ALPK1: variants seen among roughly 807,000 people sequenced by gnomAD.
ALPK1 encodes the protein alpha kinase 1.
Under a neutral mutation model 120.6 loss-of-function variants are expected in ALPK1, and 110 were observed. The ratio of observed to expected loss-of-function variants is 0.91; its 90% CI spans 0.78 to 1.07. ALPK1 has a LOEUF of 1.07. ALPK1 is among the 50% of genes least tolerant of loss of function. The pLI, the probability that ALPK1 is intolerant of heterozygous loss-of-function variation, is 0.00. For missense variants in ALPK1, 1,498 were observed against 1,483.9 expected (o/e 1.01, Z -0.16); for synonymous variants, 582 against 560.3 (o/e 1.04, Z -0.55).
intron 2 of ALPK1, among the ~76,000 whole-genome samples, chr4:112,367,771 T>C (rs79775465): frequency 6.6e-6 from 1 of 152,254 alleles, no homozygotes; most frequent in Non-Finnish European, 1.5e-5. Flanking sequence ...TTAGACCTTT[T>C]CTACAAATTA....
Position 112,431,837 on chromosome 4 carries a change from G to C in ALPK1, c.2290G>C (p.Glu764Gln), listed in dbSNP as rs1475673405. 4 of 1,614,036 alleles carry C rather than the reference G, an allele frequency of 2.5e-6. No homozygotes were observed. The African/African-American group carries it at 5.3e-5, about 22-fold the overall frequency. ...NCDVKDRQGK[E>Q]QGEEISERGA... The stretch of plus-strand genomic sequence containing the variant: ...CGATGTCAAAGACAGGCAGGGGAAA[G>C]AGCAGGGAGAAGAAATTAGTGAAAG... Residue 764 changes from glutamate to glutamine, a missense_variant, in exon 11 of 16, where the codon GAG becomes CAG. Physicochemically the swap from Glu to Gln is conservative, Grantham distance 29. Transcript: ENST00000650871.
At chr4:112,408,731 C>T (rs1362644296) in intron 4 of ALPK1, among the ~76,000 whole-genome samples, 2 of 152,180 alleles carry the variant, frequency 1.3e-5, no homozygotes, top group Non-Finnish European at 2.9e-5. Flanking sequence ...ACCTCAGCCT[C>T]CCAAAGTGCT....
chr4:112,300,701 TA>T (rs778101874), intron 1 of ALPK1, among the ~76,000 whole-genome samples: 210 of 133,698 alleles, frequency 1.6e-3, no homozygotes, highest in Admixed American at 1.8e-3. Context: ...GGCTTAAAGA[TA>T]AAAAAAAAAA....
intron 2 of ALPK1, among the ~76,000 whole-genome samples, chr4:112,368,855 G>C (rs1731268944): frequency 6.6e-6 from 1 of 152,112 alleles, no homozygotes; most frequent in Admixed American, 6.5e-5. Context: ...TTTTATGCAT[G>C]GGGTGTGCAG....
Position 112,435,186 on chromosome 4 carries a change from T to C in ALPK1, c.3073T>C (p.Trp1025Arg). ...LLKYSKKSEL[W>R]TAQETIVYLG... ...AAAATATTCAAAAAAATCTGAACTG[T>C]GGACGGCCCAGGAAACTATTGTCTA... Residue 1025 changes from tryptophan (W) to arginine (R), a missense_variant, in exon 12 of 16, where the codon TGG becomes CGG. Transcript: ENST00000650871. 1 of 1,610,794 alleles carries C rather than the reference T, an allele frequency of 6.2e-7. No individual in the cohort carries two copies. The highest frequency in any genetic ancestry group is 8.5e-7 in the Non-Finnish European group (1 of 1,179,216).
intron 2 of ALPK1, among the ~76,000 whole-genome samples, chr4:112,351,229 G>A (rs1397979536): frequency 6.6e-6 from 1 of 152,002 alleles, no homozygotes; most frequent in East Asian, 1.9e-4. Context: ...CACTCTCATT[G>A]CACTTCCTTG....
chr4:112,358,069 C>G (rs1048648416), intron 2 of ALPK1: 2 of 581,958 alleles, frequency 3.4e-6, no homozygotes, highest in Non-Finnish European at 6.5e-6. Context: ...ATAGCCCCCA[C>G]GCATGGACCC....
intron 2 of ALPK1, among the ~76,000 whole-genome samples, chr4:112,345,525 T>C (rs1730063801): frequency 6.6e-6 from 1 of 152,180 alleles, no homozygotes; most frequent in South Asian, 2.1e-4. Flanking sequence ...CGAAGCCCAA[T>C]TTTGTTGGTT....
At position 112,361,613 on chromosome 4, in the gene ALPK1, C is replaced by G. The variant is rs986633969; in HGVS notation, c.-100-16065C>G. 2.0e-5 allele frequency among the ~76,000 whole-genome samples: 3 copies of G among 152,352 alleles called. No individual in the cohort carries two copies. The South Asian group carries it at 6.2e-4, about 32-fold the overall frequency. On this transcript the variant is annotated intron_variant, in intron 2 of 15. Transcript: ENST00000650871. ...TAGACACGCCTAACCCTGCCCCCATCTGATGACCTTTCACTACCTTCCCTG... is the reference window on the plus strand; with the variant it reads ...TAGACACGCCTAACCCTGCCCCCATGTGATGACCTTTCACTACCTTCCCTG...
At position 112,431,140 on chromosome 4, in the gene ALPK1, C is replaced by G; in HGVS notation, c.1593C>G (p.Leu531=). ...SLMGKNVQRE[L]RRGGRRNWTH... ...TGGGTAAGAATGTTCAGAGGGAACTCAGAAGGGGAGGAAGGAGAAACTGGA... is the reference window on the plus strand; with the variant it reads ...TGGGTAAGAATGTTCAGAGGGAACTGAGAAGGGGAGGAAGGAGAAACTGGA... Residue 531 remains leucine (L), a synonymous_variant, in exon 11 of 16, where the codon CTC becomes CTG. Transcript: ENST00000650871. 1 of 1,614,146 alleles carries G rather than the reference C, an allele frequency of 6.2e-7. No individual in the cohort carries two copies. Among genetic ancestry groups the G allele is most frequent in the Non-Finnish European group, 8.5e-7 (1 of 1,180,048 alleles).
rs771688686 is a variant in ALPK1, at chr4:112,411,529, T to A, written c.277-298T>A. Among the ~76,000 whole-genome samples, 21 of 152,294 alleles carry A rather than the reference T, an allele frequency of 1.4e-4. No individual in the cohort carries two copies. In the South Asian group the frequency reaches 3.1e-3, roughly 23 times the overall value. On this transcript the variant is annotated intron_variant, in intron 4 of 15. Coordinates refer to ENST00000650871, the MANE Select transcript of ALPK1 (RefSeq NM_025144.4). ...CGTGAGCCACCATGCCCGGCCCTACTTTTTACCCTATGCGCTTTAGTATTG... is the reference window on the plus strand; with the variant it reads ...CGTGAGCCACCATGCCCGGCCCTACATTTTACCCTATGCGCTTTAGTATTG...
chr4:112,359,269 G>A lies in ALPK1; in HGVS notation c.-100-18409G>A, dbSNP rs539412830. The A allele has an allele frequency of 4.0e-4, 203 of 511,496 alleles. 1 individual carries two copies. Among genetic ancestry groups the A allele is most frequent in the African/African-American group, 3.7e-3 (188 of 51,356 alleles). 31.7% of individuals were successfully genotyped at this position (511,496 alleles called of 1,614,324 possible). On this transcript the variant is annotated intron_variant, in intron 2 of 15. Transcript: ENST00000650871. The stretch of plus-strand genomic sequence containing the variant: ...GGGAAGCAGGGCCAGCATGCCATGA[G>A]CGCCTACCTGGAAGATGCCTGCAGG...
chr4:112,429,069 G>T, intron 9 of ALPK1, 80 bp from the exon 10 acceptor site: 1 of 1,310,414 alleles, frequency 7.6e-7, no homozygotes. Flanking sequence ...TGAAAGAAAA[G>T]CAAAACCATT....
At position 112,412,012 on chromosome 4, in the gene ALPK1, C is replaced by A. The variant is rs1344102033; in HGVS notation, c.462C>A (p.Ile154=). ...AGGTGGTTATTCGCCAAGCCCGAAT[C>A]TCCGTGAACTCAGGTATGCTCCCTC... ...APQVVIRQAR[I]SVNSGKLLKA... The change falls in exon 5 of 16, where the codon ATC becomes ATA. Residue 154 remains isoleucine (I), a synonymous_variant. Coordinates refer to ENST00000650871, the MANE Select transcript of ALPK1 (RefSeq NM_025144.4). 1.2e-6 allele frequency: 2 copies of A among 1,614,068 alleles called. No homozygotes were observed. The highest frequency in any genetic ancestry group is 1.1e-5 in the South Asian group (1 of 91,084).
chr4:112,367,400 C>T (rs1731207318), intron 2 of ALPK1, among the ~76,000 whole-genome samples: 2 of 151,912 alleles, frequency 1.3e-5, no homozygotes, highest in Non-Finnish European at 2.9e-5. Flanking sequence ...TAGTTTCTGT[C>T]TTACGCTTAA....
intron 2 of ALPK1, among the ~76,000 whole-genome samples, chr4:112,339,884 G>C (rs1310458758): frequency 1.3e-5 from 2 of 152,216 alleles, no homozygotes; most frequent in Non-Finnish European, 2.9e-5. Context: ...CTAATCAAAG[G>C]ACCAAAAATA....
intron 2 of ALPK1, chr4:112,358,627 G>A (rs1730760810): frequency 2.8e-6 from 2 of 721,750 alleles, no homozygotes; most frequent in Non-Finnish European, 4.9e-6. Flanking sequence ...AGTGGGCTGG[G>A]GGGCCCTGGC....
intron 1 of ALPK1, among the ~76,000 whole-genome samples, chr4:112,300,458 A>G (rs11098149): frequency 0.56 from 85,454 of 151,552 alleles, 25,178 homozygotes; most frequent in African/African-American, 0.7. Flanking sequence ...ATAGTAAATA[A>G]AACTATGCAG....
chr4:112,426,283 A>G, intron 7 of ALPK1, 184 bp from the exon 8 acceptor site: 1 of 397,726 alleles, frequency 2.5e-6, no homozygotes, highest in Non-Finnish European at 4.5e-6. Context: ...AGTGAAATGG[A>G]AAAATTGTCT....
Sources: gnomAD v4.1 joint callset for allele counts (sites outside exome capture counted in the v4.1 genomes callset) on GRCh38, gnomAD v4.1.1 for gene constraint, MANE v1.5 for transcripts, NCBI Gene and HGNC (gene_info 2026-07-23, HGNC 2026-07-21) for gene names.